Variants in SERPINE2 observed in about 807,000 individuals in gnomAD.
SERPINE2 encodes the protein serpin family E member 2.
In SERPINE2, 14 loss-of-function variants were observed where a neutral mutation model predicts 36.3. That is an observed-to-expected ratio of 0.39 (90% CI 0.25 to 0.60). SERPINE2 has a LOEUF of 0.60. Among genes scored for constraint, SERPINE2 ranks in the 20% least tolerant of loss-of-function variants. The pLI, the probability that SERPINE2 is intolerant of heterozygous loss-of-function variation, is 0.57. For missense variants in SERPINE2, 418 were observed against 499.6 expected (o/e 0.84, Z 1.56); for synonymous variants, 192 against 191.8 (o/e 1.00, Z -0.01).
At chr2:224,020,850 T>C (rs1468885445) in intron 1 of SERPINE2, among the ~76,000 whole-genome samples, 1 of 152,248 alleles carries the variant, frequency 6.6e-6, no homozygotes, top group African/African-American at 2.4e-5. Context: ...AATGCTGTCT[T>C]AAAGTGCTCC....
In SERPINE2 at chr2:224,030,967, C is replaced by G. The variant is rs1396114110; in HGVS notation, c.-23+8132G>C. Reference sequence around the variant, plus strand: ...GGGCCAAAGGCATAAAACCATGATTCAAACGTACCACACAGATACTGGCCT... The same window carrying G: ...GGGCCAAAGGCATAAAACCATGATTGAAACGTACCACACAGATACTGGCCT... On this transcript the variant is annotated intron_variant, in intron 1 of 8. Transcript: ENST00000409304. 5 of 985,308 alleles carry G rather than the reference C, an allele frequency of 5.1e-6. No individual in the cohort carries two copies. In the African/African-American group the frequency reaches 7.0e-5, roughly 14 times the overall value. The allele number at this position is 985,308 out of a possible 1,614,324, so 61.0% of individuals were successfully genotyped here.
chr2:224,019,628 T>C (rs1161221210), intron 1 of SERPINE2, among the ~76,000 whole-genome samples: 2 of 152,150 alleles, frequency 1.3e-5, no homozygotes, highest in African/African-American at 2.4e-5. Context: ...GCTCAATATA[T>C]AATGGAGGCA....
intron 1 of SERPINE2, among the ~76,000 whole-genome samples, chr2:224,026,159 T>C (rs1692174165): frequency 6.6e-6 from 1 of 152,194 alleles, no homozygotes; most frequent in South Asian, 2.1e-4. Context: ...GCCTGTTAAA[T>C]AAAGTGGAAC....
chr2:224,013,983 G>C (rs1233815797), intron 1 of SERPINE2: 1 of 152,352 alleles, frequency 6.6e-6, no homozygotes, highest in Non-Finnish European at 1.5e-5. Flanking sequence ...GCAGGCCAAA[G>C]CTTCAATTAC....
chr2:223,995,368 TCA>T (rs1167132775), intron 3 of SERPINE2, among the ~76,000 whole-genome samples: 1 of 152,230 alleles, frequency 6.6e-6, no homozygotes, highest in Admixed American at 6.5e-5. Context: ...TGGGGGCAGT[TCA>T]CCCCCAGGTA....
chr2:223,976,008 C>T (rs1430182067), intron 8 of SERPINE2, 104 bp from the exon 9 acceptor site: 2 of 1,068,474 alleles, frequency 1.9e-6, no homozygotes, highest in Non-Finnish European at 2.7e-6. Context: ...CATGTTTGAC[C>T]TCTTGCTCAG....
At chr2:224,004,722 CATAAGT>C (rs1208519623) in intron 1 of SERPINE2, among the ~76,000 whole-genome samples, 1 of 151,956 alleles carries the variant, frequency 6.6e-6, no homozygotes, top group Non-Finnish European at 1.5e-5. Flanking sequence ...ACAAAGTCAT[CATAAGT>C]ATAAAACATT....
At chr2:224,005,072 TA>T (rs372212033) in intron 1 of SERPINE2, among the ~76,000 whole-genome samples, 33,998 of 63,078 alleles carry the variant, frequency 0.54, 6,172 homozygotes, top group African/African-American at 0.58. Flanking sequence ...ATATTATATA[TA>T]TATATATATA....
At chr2:223,991,511 T>C (rs1690671470) in intron 4 of SERPINE2, among the ~76,000 whole-genome samples, 1 of 152,242 alleles carries the variant, frequency 6.6e-6, no homozygotes, top group Admixed American at 6.5e-5. Context: ...TCATGAATTG[T>C]CCTTTCATCT....
chr2:224,034,337 A>G (rs543227437), intron 1 of SERPINE2, among the ~76,000 whole-genome samples: 1 of 152,168 alleles, frequency 6.6e-6, no homozygotes, highest in South Asian at 2.1e-4. Context: ...CAGCCAGACA[A>G]TGAACACAGG....
intron 3 of SERPINE2, among the ~76,000 whole-genome samples, chr2:223,997,309 C>T (rs1690929307): frequency 6.6e-6 from 1 of 152,200 alleles, no homozygotes; most frequent in Non-Finnish European, 1.5e-5. Context: ...CAATCTCCCC[C>T]TCCCAGGTTC....
chr2:224,007,760 T>C (rs1691478870), intron 1 of SERPINE2, among the ~76,000 whole-genome samples: 1 of 152,220 alleles, frequency 6.6e-6, no homozygotes, highest in Non-Finnish European at 1.5e-5. Flanking sequence ...AGTTGCTTCA[T>C]TTTTAACCTT....
At position 223,992,014 on chromosome 2, in the gene SERPINE2, G is replaced by C; in HGVS notation, c.488-14C>G. Reference sequence around the variant, plus strand: ...TGTCAATCATATCTGTGAAGCCAAAGAACAAACAAGGGAAAAATAACCTCA... The same window carrying C: ...TGTCAATCATATCTGTGAAGCCAAACAACAAACAAGGGAAAAATAACCTCA... On this transcript the variant is annotated splice_polypyrimidine_tract_variant and intron_variant, in intron 3 of 8. Coordinates refer to ENST00000409304, the MANE Select transcript of SERPINE2 (RefSeq NM_001136528.2). The C allele has an allele frequency of 1.2e-6, 2 of 1,612,442 alleles. No homozygotes were observed. The highest frequency in any genetic ancestry group is 1.7e-6 in the Non-Finnish European group (2 of 1,179,124).
At chr2:224,000,434 T>C (rs1691069393) in intron 2 of SERPINE2, among the ~76,000 whole-genome samples, 1 of 152,194 alleles carries the variant, frequency 6.6e-6, no homozygotes, top group African/African-American at 2.4e-5. Context: ...AAGAAAGGTT[T>C]TTCTTTAACT....
intron 1 of SERPINE2, chr2:224,031,541 A>C: frequency 1.0e-6 from 1 of 982,356 alleles, no homozygotes; most frequent in Non-Finnish European, 1.2e-6. Context: ...AGCCATTGGT[A>C]CACGGAAGGG....
chr2:224,020,370 T>G (rs1384894832), intron 1 of SERPINE2, among the ~76,000 whole-genome samples: 1 of 152,186 alleles, frequency 6.6e-6, no homozygotes, highest in Non-Finnish European at 1.5e-5. Flanking sequence ...CATTTGTGTT[T>G]GGCATATAAA....
chr2:224,032,757 G>A (rs892856472), intron 1 of SERPINE2, among the ~76,000 whole-genome samples: 2 of 152,216 alleles, frequency 1.3e-5, no homozygotes, highest in Non-Finnish European at 2.9e-5. Context: ...TCTTGAACTA[G>A]GGTGTCCACC....
chr2:223,997,836 C>A (rs953908894), intron 3 of SERPINE2, among the ~76,000 whole-genome samples: 52 of 152,106 alleles, frequency 3.4e-4, no homozygotes, highest in African/African-American at 1.2e-3. Context: ...AGCCTGTGGG[C>A]AAGGATGCTG....
chr2:223,986,015 T>C (rs1215437937), intron 4 of SERPINE2, among the ~76,000 whole-genome samples: 1 of 152,216 alleles, frequency 6.6e-6, no homozygotes, highest in Non-Finnish European at 1.5e-5. Flanking sequence ...CGATTTTCAC[T>C]GATCTTTTCT....
Sources: allele counts gnomAD v4.1 joint callset (sites outside exome capture counted in the v4.1 genomes callset), GRCh38; gene constraint gnomAD v4.1.1; transcripts MANE v1.5; gene names NCBI Gene and HGNC (gene_info 2026-07-23, HGNC 2026-07-21).